SLC5A9: variants seen among roughly 807,000 people sequenced by gnomAD.
SLC5A9 encodes the protein solute carrier family 5 member 9.
A neutral mutation model predicts 70.9 loss-of-function variants in SLC5A9; 59 were observed. That is an observed-to-expected ratio of 0.83 (90% CI 0.68 to 1.03). SLC5A9 has a LOEUF of 1.03. Ranked by LOEUF, SLC5A9 falls within the 50% of genes least tolerant of loss-of-function variation. SLC5A9 has a pLI of 0.00. For missense variants in SLC5A9, 832 were observed against 881.1 expected, an observed-to-expected ratio of 0.94 and a Z score of 0.71; for synonymous variants, 340 against 346.5, an observed-to-expected ratio of 0.98 and a Z score of 0.21.
In SLC5A9 at chr1:48,232,094, G is replaced by A. The variant is rs61997217; in HGVS notation, c.840G>A (p.Trp280Ter). The A allele has an allele frequency of 6.2e-4, 1,007 of 1,614,144 alleles. 2 individuals are homozygous for A. The African/African-American group carries it at 0.012, about 19-fold the overall frequency. ...LRDPVSGDIP[W>*]PGLIFGLTVL... ...ACCCTGTGAGCGGGGACATCCCTTG[G>A]CCAGGTCTCATTTTCGGGCTCACAG... Residue 280 changes from tryptophan to a stop codon, truncating the protein, a stop_gained, in exon 7 of 14, where the codon TGG (tryptophan) becomes TGA (stop). Transcript: ENST00000438567. LOFTEE classifies it high-confidence loss of function.
chr1:48,232,189 A>G (rs777921310), intron 7 of SLC5A9, 38 bp downstream of exon 7: 10 of 1,585,980 alleles, frequency 6.3e-6, no homozygotes, highest in Admixed American at 3.4e-5. Context: ...CCTGCCAGGA[A>G]GTGGGGTGGC....
At position 48,232,430 on chromosome 1, in the gene SLC5A9, G is replaced by T; in HGVS notation, c.961G>T (p.Gly321Trp). ...LSHAKGGSVL[G>W]GYLKILPMFF... ...TCATGCCAAGGGAGGCTCCGTGCTG[G>T]GGGGCTACCTGAAGATCCTCCCCAT... The change falls in exon 8 of 14, where the codon GGG becomes TGG. Residue 321 changes from glycine (G) to tryptophan (W), a missense_variant. Gly to Trp is a radical substitution (Grantham distance 184). Coordinates refer to ENST00000438567, the MANE Select transcript of SLC5A9 (RefSeq NM_001011547.3). The T allele has an allele frequency of 6.2e-7, 1 of 1,614,134 alleles. No homozygotes were observed. The highest frequency in any genetic ancestry group is 8.5e-7 in the Non-Finnish European group (1 of 1,180,034).
chr1:48,227,521 G>T (rs567276854), intron 2 of SLC5A9, among the ~76,000 whole-genome samples: 12 of 149,026 alleles, frequency 8.1e-5, no homozygotes, highest in African/African-American at 2.0e-4. Context: ...GTAATTGCAT[G>T]AGTGTGTGTG....
chr1:48,226,997 A>G (rs1447452520), intron 2 of SLC5A9, among the ~76,000 whole-genome samples: 1 of 151,500 alleles, frequency 6.6e-6, no homozygotes, highest in African/African-American at 2.4e-5. Context: ...GTATGTATGC[A>G]TGTGTGAATG....
chr1:48,235,685 G>A, intron 9 of SLC5A9, 44 bp from the exon 10 acceptor site: 1 of 1,611,672 alleles, frequency 6.2e-7, no homozygotes. Context: ...GGAAGAGCCG[G>A]CCTTAATGGG....
rs1416027669 is a variant in SLC5A9 at position 48,235,814 on chromosome 1, C to T, written c.1227C>T (p.Phe409=). 1 of 1,614,222 alleles carries T rather than the reference C, an allele frequency of 6.2e-7. No homozygotes were observed. Among genetic ancestry groups the T allele is most frequent in the African/African-American group, 1.3e-5 (1 of 75,044 alleles). ...TSIFNSSSTL[F]TIDVWQRFRR... is the part of the protein sequence containing the mutation. Reference sequence around the variant, plus strand: ...TCTTCAACAGCAGCAGCACCCTGTTCACCATTGATGTGTGGCAGCGCTTCC... The same window carrying T: ...TCTTCAACAGCAGCAGCACCCTGTTTACCATTGATGTGTGGCAGCGCTTCC... Residue 409 remains phenylalanine (F), a synonymous_variant, in exon 10 of 14, where the codon TTC becomes TTT. Coordinates refer to ENST00000438567, the MANE Select transcript of SLC5A9 (RefSeq NM_001011547.3).
At position 48,233,377 on chromosome 1, in the gene SLC5A9, A is replaced by G. The variant is rs1159802129; in HGVS notation, c.1034-278A>G. 2.7e-5 allele frequency among the ~76,000 whole-genome samples: 4 copies of G among 150,168 alleles called. 1 individual carries two copies. The highest frequency in any genetic ancestry group is 9.8e-5 in the African/African-American group (4 of 40,876). ...CTCCATCTCAAAAAAAAAAAAAAAA[A>G]AAAAAAAAAGATAGAAAAGAACACA... On this transcript the variant is annotated intron_variant, in intron 8 of 13. Transcript: ENST00000438567.
chr1:48,224,185 G>A (rs574861608), intron 1 of SLC5A9, among the ~76,000 whole-genome samples: 10 of 152,284 alleles, frequency 6.6e-5, no homozygotes, highest in Admixed American at 5.9e-4. Flanking sequence ...GGAGGTCCTG[G>A]ATGGGGCTCA....
chr1:48,225,828 G>GCAGTCTCA (rs2148561901), intron 2 of SLC5A9, among the ~76,000 whole-genome samples: 1 of 152,006 alleles, frequency 6.6e-6, no homozygotes, highest in African/African-American at 2.4e-5. Flanking sequence ...ACACTCACAT[G>GCAGTCTCA]CAGTCTCACA....
At chr1:48,235,563 G>A (rs1644314184) in intron 9 of SLC5A9, among the ~76,000 whole-genome samples, 166 bp from the exon 10 acceptor site, 1 of 152,108 alleles carries the variant, frequency 6.6e-6, no homozygotes, top group African/African-American at 2.4e-5. Context: ...TAGTTCTGTG[G>A]TCTAGGATTT....
chr1:48,242,637 G>A, intron 13 of SLC5A9, 21 bp downstream of exon 13: 1 of 1,593,934 alleles, frequency 6.3e-7, no homozygotes, highest in Non-Finnish European at 8.6e-7. Context: ...GCAGGCCGGG[G>A]GATACTCATC....
chr1:48,237,623 C>G, intron 10 of SLC5A9, 56 bp from the exon 11 acceptor site: 1 of 1,576,814 alleles, frequency 6.3e-7, no homozygotes, highest in Admixed American at 1.7e-5. Context: ...ACCTTCACCC[C>G]ACACCACACC....
intron 4 of SLC5A9, among the ~76,000 whole-genome samples, chr1:48,230,156 C>T (rs541702511): frequency 2.6e-5 from 4 of 152,314 alleles, no homozygotes; most frequent in Middle Eastern, 3.4e-3. Flanking sequence ...CCTATCTGCA[C>T]CAGGGCTCCT....
Position 48,240,882 on chromosome 1 carries a change from C to G in SLC5A9, c.1677+1345C>G, listed in dbSNP as rs138995259. Among the ~76,000 whole-genome samples the G allele has an allele frequency of 4.2e-3, 641 of 152,304 alleles. 10 individuals carry two copies. In the South Asian group the frequency reaches 0.046, roughly 11 times the overall value. The stretch of plus-strand genomic sequence containing the variant: ...TCCCCAACATTCTGCTGAAATCGCT[C>G]TCACTGAAGTCACTGATAACATCTT... On this transcript the variant is annotated intron_variant, in intron 12 of 13. Coordinates refer to ENST00000438567, the MANE Select transcript of SLC5A9 (RefSeq NM_001011547.3).
At chr1:48,231,689 C>A in intron 6 of SLC5A9, 64 bp downstream of exon 6, 1 of 1,588,678 alleles carries the variant, frequency 6.3e-7, no homozygotes. Flanking sequence ...CTGTCTCTGC[C>A]ACCTCCACAG....
At position 48,242,553 on chromosome 1, in the gene SLC5A9, G is replaced by A. The variant is rs753392103; in HGVS notation, c.1774G>A (p.Gly592Arg). 23 of 1,613,608 alleles carry A rather than the reference G, an allele frequency of 1.4e-5. 1 individual carries two copies. The highest frequency in any genetic ancestry group is 1.1e-4 in the East Asian group (5 of 44,862). Residue 592 changes from glycine (G) to arginine (R), a missense_variant, in exon 13 of 14, where the codon GGG becomes AGG. Coordinates refer to ENST00000438567, the MANE Select transcript of SLC5A9 (RefSeq NM_001011547.3). Reference sequence around the variant, plus strand: ...ACCGGAGATATCCGAGAGGCCAGCCGGGGAGTGCCCTGCAGGAGGTGGAGC... The same window carrying A: ...ACCGGAGATATCCGAGAGGCCAGCCAGGGAGTGCCCTGCAGGAGGTGGAGC... ...STPEISERPAGECPAGGGAAE... is the reference protein window; with the variant it reads ...STPEISERPARECPAGGGAAE...
Position 48,232,472 on chromosome 1 carries a change from C to A in SLC5A9, c.1003C>A (p.Pro335Thr). The A allele has an allele frequency of 2.5e-6, 4 of 1,614,232 alleles. No individual in the cohort carries two copies. The highest frequency in any genetic ancestry group is 3.4e-6 in the Non-Finnish European group (4 of 1,180,042). ...CCTCCCCATGTTCTTCATCGTCATG[C>A]CTGGCATGATCAGCCGGGCCCTGTT... ...KILPMFFIVM[P>T]GMISRALFPD... Residue 335 changes from proline to threonine, a missense_variant, in exon 8 of 14, where the codon CCT becomes ACT. By Grantham distance (38) the Pro-to-Thr change is conservative (BLOSUM62 -1). Coordinates refer to ENST00000438567, the MANE Select transcript of SLC5A9 (RefSeq NM_001011547.3).
chr1:48,241,974 A>C (rs1281940042), intron 12 of SLC5A9: 1 of 456,272 alleles, frequency 2.2e-6, no homozygotes, highest in African/African-American at 2.0e-5. Context: ...CACTTTTACA[A>C]CATCCTCCAG....
intron 2 of SLC5A9, among the ~76,000 whole-genome samples, chr1:48,226,851 C>T (rs1644154615): frequency 6.6e-6 from 1 of 152,032 alleles, no homozygotes; most frequent in Non-Finnish European, 1.5e-5. Flanking sequence ...GGCTTCTTCC[C>T]CTGAAGTAGG....
Sources: gnomAD v4.1 joint callset for allele counts (sites outside exome capture counted in the v4.1 genomes callset) on GRCh38, gnomAD v4.1.1 for gene constraint, MANE v1.5 for transcripts, NCBI Gene and HGNC (gene_info 2026-07-23, HGNC 2026-07-21) for gene names.